SP140: variants seen among roughly 807,000 people sequenced by gnomAD.
SP140 encodes SP140 nuclear body protein.
SP140 carries 81 observed loss-of-function variants against 125.0 expected under a neutral mutation model. That is an observed-to-expected ratio of 0.65 (90% CI 0.54 to 0.78). SP140 has a LOEUF of 0.78. SP140 is among the 30% of genes least tolerant of loss of function. SP140 has a pLI of 0.00. For missense variants in SP140, 858 were observed against 1,037.0 expected (o/e 0.83, Z 2.37); for synonymous variants, 312 against 354.0 (o/e 0.88, Z 1.33).
chr2:230,298,284 G>A lies in SP140; in HGVS notation c.2058+822G>A, dbSNP rs180845762. On this transcript the variant is annotated intron_variant, in intron 22 of 26. Transcript: ENST00000392045. ...TGCAGTGAGATGTCTGTTTTAGGCC[G>A]GGTCACCTTCTTGCACAACTCTGGG... is the stretch of plus-strand genomic sequence containing the variant. Among the ~76,000 whole-genome samples the A allele has an allele frequency of 3.3e-3, 504 of 152,254 alleles. 2 individuals are homozygous for A. The highest frequency in any genetic ancestry group is 5.7e-3 in the Non-Finnish European group (390 of 68,022).
chr2:230,200,874 C>G (rs758333221), upstream of SP140: 1 of 1,599,642 alleles, frequency 6.3e-7, no homozygotes, highest in Non-Finnish European at 8.6e-7. Flanking sequence ...CCAGCAATCT[C>G]CAAGTTTTAC....
chr2:230,219,017 G>T (rs1426660315), intron 3 of SP140, among the ~76,000 whole-genome samples: 2 of 152,178 alleles, frequency 1.3e-5, no homozygotes, highest in African/African-American at 4.8e-5. Flanking sequence ...CTGAGGTCAG[G>T]AGTTCGAGAC....
chr2:230,242,201 G>A (rs2048820841), intron 4 of SP140, among the ~76,000 whole-genome samples: 1 of 152,018 alleles, frequency 6.6e-6, no homozygotes, highest in South Asian at 2.1e-4. Context: ...TAAATACCAA[G>A]AAATGGGGAA....
chr2:230,253,805 G>A (rs996361065), intron 11 of SP140, among the ~76,000 whole-genome samples: 4 of 152,178 alleles, frequency 2.6e-5, no homozygotes, highest in South Asian at 2.1e-4. Context: ...GAACACAGAC[G>A]TAAGTTTTGT....
chr2:230,247,642 A>G (rs1019326605), intron 7 of SP140, among the ~76,000 whole-genome samples: 1 of 152,196 alleles, frequency 6.6e-6, no homozygotes, highest in African/African-American at 2.4e-5. Context: ...CTTTAAATCA[A>G]TAACTACTTG....
At position 230,237,144 on chromosome 2, in the gene SP140, C is replaced by A. The variant is rs1385651131; in HGVS notation, c.121C>A (p.Pro41Thr). 1.2e-6 allele frequency: 2 copies of A among 1,612,918 alleles called. No individual in the cohort carries two copies. Among genetic ancestry groups the A allele is most frequent in the Admixed American group, 1.7e-5 (1 of 59,810 alleles). ...QNLQEQVCPE[P>T]IFRFFRENKV... is the part of the protein sequence containing the mutation. ...CCTGCAGGAGCAGGTTTGCCCTGAGCCCATTTTCAGGTTCTTCAGAGAAAA... is the reference window on the plus strand; with the variant it reads ...CCTGCAGGAGCAGGTTTGCCCTGAGACCATTTTCAGGTTCTTCAGAGAAAA... The change falls in exon 2 of 27, where the codon CCC becomes ACC. Residue 41 changes from proline to threonine, a missense_variant. By Grantham distance (38) the Pro-to-Thr change is conservative (BLOSUM62 -1). Around this residue, in one of 4 missense-constraint regions of SP140, gnomAD observed 791 missense variants for 869.5 expected, o/e 0.91. Transcript: ENST00000392045. The surrounding 1 kb of genome is among the most constrained non-coding windows in gnomAD (Gnocchi z 5.4).
Position 230,312,767 on chromosome 2 carries a change from C to A in SP140, c.*83C>A. 1.0e-6 allele frequency: 1 copy of A among 970,238 alleles called. No individual in the cohort carries two copies. Among genetic ancestry groups the A allele is most frequent in the Non-Finnish European group, 1.6e-6 (1 of 607,346 alleles). The allele number at this position is 970,238 out of a possible 1,614,324, so 60.1% of individuals were successfully genotyped here. On this transcript the variant is annotated 3_prime_UTR_variant, in exon 27 of 27. Coordinates refer to ENST00000392045, the MANE Select transcript of SP140 (RefSeq NM_007237.5). ...TTTGCCACTGACTTCAAAATGAGGTCACTTGGGCACAGCACATGCAGGGAG... is the reference window on the plus strand; with the variant it reads ...TTTGCCACTGACTTCAAAATGAGGTAACTTGGGCACAGCACATGCAGGGAG...
Position 230,311,767 on chromosome 2 carries a change from G to T in SP140, c.2505+172G>T, listed in dbSNP as rs192352422. Among the ~76,000 whole-genome samples the T allele has an allele frequency of 4.9e-3, 748 of 152,294 alleles. 5 individuals are homozygous for T. Among genetic ancestry groups the T allele is most frequent in the African/African-American group, 0.016 (649 of 41,548 alleles). On this transcript the variant is annotated intron_variant, in intron 26 of 26. Coordinates refer to ENST00000392045, the MANE Select transcript of SP140 (RefSeq NM_007237.5). Reference sequence around the variant, plus strand: ...TTAAGCTCTTCTTAGCAAAGAAACAGTGAATCAAAAGGTGTCCCTGCAACC... The same window carrying T: ...TTAAGCTCTTCTTAGCAAAGAAACATTGAATCAAAAGGTGTCCCTGCAACC...
intron 22 of SP140, 63 bp from the exon 23 acceptor site, chr2:230,309,861 C>T (rs149356711): frequency 3.8e-6 from 6 of 1,569,850 alleles, no homozygotes; most frequent in Admixed American, 1.7e-5. Flanking sequence ...TCTAGTTGCC[C>T]AGAGGGTTGG....
At position 230,238,897 on chromosome 2, in the gene SP140, G is replaced by A. The variant is rs778959389; in HGVS notation, c.406+516G>A. On this transcript the variant is annotated intron_variant, in intron 3 of 26. Coordinates refer to ENST00000392045, the MANE Select transcript of SP140 (RefSeq NM_007237.5). ...GAAAGCTATGAAGACAGAAAAGGGG[G>A]TTGGTGGGGGCCTTTCCGAACCATG... The A allele has an allele frequency of 1.5e-5, 23 of 1,550,824 alleles. 1 individual carries two copies. In the South Asian group the frequency reaches 2.7e-4, roughly 18 times the overall value.
intron 12 of SP140, 119 bp downstream of exon 12, chr2:230,255,651 T>C (rs1168817439): frequency 2.3e-6 from 2 of 851,538 alleles, no homozygotes; most frequent in Non-Finnish European, 3.7e-6. Context: ...AAGGATCTAA[T>C]TAATCCTGAG....
chr2:230,225,777 T>C lies in SP140; in HGVS notation c.-68T>C, dbSNP rs1050554206. On this transcript the variant is annotated 5_prime_UTR_variant, in exon 1 of 27. Coordinates refer to ENST00000392045, the MANE Select transcript of SP140 (RefSeq NM_007237.5). The stretch of plus-strand genomic sequence containing the variant: ...GAGCACCGAGGGGCAGTTGGCAGCT[T>C]CACCTCAGAGCTGCAGGAAGGAACG... 53 of 1,343,786 alleles carry C rather than the reference T, an allele frequency of 3.9e-5. No homozygotes were observed. The highest frequency in any genetic ancestry group is 8.6e-6 in the Non-Finnish European group (8 of 933,402). 83.2% of individuals were successfully genotyped at this position (1,343,786 alleles called of 1,614,324 possible).
chr2:230,304,684 A>C (rs1417891606), intron 22 of SP140, among the ~76,000 whole-genome samples: 3 of 152,240 alleles, frequency 2.0e-5, no homozygotes, highest in Non-Finnish European at 4.4e-5. Context: ...AACCAATAGC[A>C]CTGGCATAAT....
At position 230,287,990 on chromosome 2, in the gene SP140, C is replaced by G. The variant is rs773958298; in HGVS notation, c.1720+24C>G. 1.3e-5 allele frequency: 20 copies of G among 1,571,858 alleles called. No individual in the cohort carries two copies. The Admixed American group carries it at 3.2e-4, about 25-fold the overall frequency. On this transcript the variant is annotated intron_variant, in intron 18 of 26. Coordinates refer to ENST00000392045, the MANE Select transcript of SP140 (RefSeq NM_007237.5). ...AGGTAAAAAAGAAAACAGGAATGAA[C>G]TTTCAATAACTAAACATCTAATTTC...
Position 230,269,825 on chromosome 2 carries a change from A to G in SP140, c.1328-12A>G. The G allele has an allele frequency of 6.2e-7, 1 of 1,601,874 alleles. No homozygotes were observed. The highest frequency in any genetic ancestry group is 8.6e-7 in the Non-Finnish European group (1 of 1,168,998). On this transcript the variant is annotated splice_polypyrimidine_tract_variant and intron_variant, in intron 13 of 26. Coordinates refer to ENST00000392045, the MANE Select transcript of SP140 (RefSeq NM_007237.5). ...AAACTGAAAGTCTTCATGAATCACA[A>G]TTTTGGCCCAGGAGCGGAGCAATCA...
chr2:230,232,320 G>T (rs1248515540), intron 1 of SP140, among the ~76,000 whole-genome samples: 1 of 152,200 alleles, frequency 6.6e-6, no homozygotes, highest in Non-Finnish European at 1.5e-5. Flanking sequence ...ACCAGGCTAT[G>T]ACTTCAGTGC....
At chr2:230,206,724 T>C (rs2043902507) in intron 1 of SP140, among the ~76,000 whole-genome samples, 1 of 149,144 alleles carries the variant, frequency 6.7e-6, no homozygotes, top group African/African-American at 2.5e-5. Flanking sequence ...TAAAAAGCCC[T>C]AGTCCCGGAG....
chr2:230,269,924 C>T lies in SP140; in HGVS notation c.1415C>T (p.Thr472Met), dbSNP rs919740087. ...GTGCCAGGAAGCCCAGAAGCAAGGA[C>T]GGAAAGTGATCAAGCGTGTGGCACA... is the stretch of plus-strand genomic sequence containing the variant. The part of the protein sequence containing the change: ...EEVPGSPEAR[T>M]ESDQACGTMD... Residue 472 changes from threonine to methionine, a missense_variant, in exon 14 of 27, where the codon ACG (threonine) becomes ATG (methionine). Thr to Met is a moderately conservative substitution (Grantham distance 81). Coordinates refer to ENST00000392045, the MANE Select transcript of SP140 (RefSeq NM_007237.5). 9.9e-6 allele frequency: 16 copies of T among 1,613,640 alleles called. No individual in the cohort carries two copies. The highest frequency in any genetic ancestry group is 3.3e-5 in the Admixed American group (2 of 59,990).
At chr2:230,292,062 T>G (rs1371620852) in intron 19 of SP140, among the ~76,000 whole-genome samples, 3 of 152,252 alleles carry the variant, frequency 2.0e-5, no homozygotes, top group Non-Finnish European at 4.4e-5. Context: ...AATTAAATTT[T>G]TTATCAGATA....
Sources: gnomAD v4.1 joint callset for allele counts (sites outside exome capture counted in the v4.1 genomes callset) on GRCh38, gnomAD v4.1.1 for gene constraint, gnomAD v4.1.1 regional missense constraint, Gnocchi (gnomAD v3.1) non-coding constraint, MANE v1.5 for transcripts, NCBI Gene and HGNC (gene_info 2026-07-23, HGNC 2026-07-21) for gene names.